Variants in A1CF observed in about 807,000 individuals in gnomAD.
A1CF encodes the protein APOBEC1 complementation factor.
Under a neutral mutation model 68.9 loss-of-function variants are expected in A1CF, and 48 were observed. That is an observed-to-expected ratio of 0.70 (90% CI 0.55 to 0.89). A1CF has a LOEUF of 0.89. Among genes scored for constraint, A1CF ranks in the 40% least tolerant of loss-of-function variants. The probability of loss-of-function intolerance (pLI) is 0.00; values close to 1 mark genes in which losing one functional copy is unlikely to be tolerated. For missense variants in A1CF, 653 were observed against 718.9 expected (o/e 0.91, Z 1.05); for synonymous variants, 272 against 260.4 (o/e 1.04, Z -0.43).
intron 5 of A1CF, 95 bp from the exon 6 acceptor site, chr10:50,836,407 G>T: frequency 7.3e-7 from 1 of 1,367,208 alleles, no homozygotes. Flanking sequence ...TGAAGATGTG[G>T]GATGTTTGGG....
At chr10:50,864,876 C>T (rs1004972625) in intron 1 of A1CF, among the ~76,000 whole-genome samples, 1 of 152,096 alleles carries the variant, frequency 6.6e-6, no homozygotes, top group Non-Finnish European at 1.5e-5. Context: ...CCTTGGCCTC[C>T]GAAAGTGCTG....
At chr10:50,811,624 ATC>A (rs1181260165) in intron 10 of A1CF, among the ~76,000 whole-genome samples, 1 of 152,222 alleles carries the variant, frequency 6.6e-6, no homozygotes, top group Admixed American at 6.5e-5. Context: ...TAGGGTTTTA[ATC>A]TCACAATTTC....
At chr10:50,859,752 A>C in intron 3 of A1CF, 90 bp downstream of exon 3, 1 of 1,105,304 alleles carries the variant, frequency 9.0e-7, no homozygotes, top group African/African-American at 1.6e-5. Context: ...TATGTAACTG[A>C]CCATTCCCAT....
At chr10:50,809,813 T>G (rs1181816733) in intron 12 of A1CF, 81 bp downstream of exon 12, 11 of 1,575,098 alleles carry the variant, frequency 7.0e-6, no homozygotes, top group Admixed American at 3.4e-5. Flanking sequence ...TACACAAACA[T>G]TTCTGTGATT....
At chr10:50,861,939 ATAC>A (rs1383105120) in intron 2 of A1CF, among the ~76,000 whole-genome samples, 1 of 150,158 alleles carries the variant, frequency 6.7e-6, no homozygotes, top group Admixed American at 6.7e-5. Context: ...ATGATTAGCA[ATAC>A]TAATCGTAAT....
rs569461834 is a variant in A1CF at position 50,813,978 on chromosome 10, C to T, written c.1202G>A (p.Arg401Gln). ...TTTGTCTCCTTTGACCTGGTATCCT[C>T]GACCCAGGCCTGTGTATGCCAAATA... ...RGYLAYTGLG[R>Q]GYQVKGDKRE... The change falls in exon 10 of 13, where the codon CGA (arginine) becomes CAA (glutamine). Residue 401 changes from arginine (R) to glutamine (Q), a missense_variant. By Grantham distance (43) the Arg-to-Gln change is conservative. Coordinates refer to ENST00000373997, the MANE Select transcript of A1CF (RefSeq NM_014576.4). 29 of 1,613,842 alleles carry T rather than the reference C, an allele frequency of 1.8e-5. No homozygotes were observed. Among genetic ancestry groups the T allele is most frequent in the Admixed American group, 8.3e-5 (5 of 59,988 alleles).
Position 50,841,850 on chromosome 10 carries a change from G to A in A1CF, c.365+12C>T. On this transcript the variant is annotated intron_variant, in intron 5 of 12. Coordinates refer to ENST00000373997, the MANE Select transcript of A1CF (RefSeq NM_014576.4). ...TTTGTTTCACTTTTAATCTAGAAGA[G>A]GCGGAGCTTACCTAATTTCATAATT... 6.2e-7 allele frequency: 1 copy of A among 1,611,990 alleles called. No individual in the cohort carries two copies. The highest frequency in any genetic ancestry group is 8.5e-7 in the Non-Finnish European group (1 of 1,179,444).
At chr10:50,865,846 A>G (rs1589038503) in intron 1 of A1CF, among the ~76,000 whole-genome samples, 1 of 152,152 alleles carries the variant, frequency 6.6e-6, no homozygotes, top group Non-Finnish European at 1.5e-5. Flanking sequence ...ACATCCTTGT[A>G]TTGTTTCGCA....
Position 50,856,976 on chromosome 10 carries a change from C to T in A1CF, c.99+2866G>A, listed in dbSNP as rs149945758. Among the ~76,000 whole-genome samples the T allele has an allele frequency of 2.0e-3, 304 of 152,156 alleles. 2 individuals carry two copies. Among genetic ancestry groups the T allele is most frequent in the African/African-American group, 6.9e-3 (286 of 41,532 alleles). Reference sequence around the variant, plus strand: ...CCTTAAATCATAACATTTGACCTTACAATGGAGCAAAATTTTTAAATGGAG... The same window carrying T: ...CCTTAAATCATAACATTTGACCTTATAATGGAGCAAAATTTTTAAATGGAG... On this transcript the variant is annotated intron_variant, in intron 3 of 12. Transcript: ENST00000373997.
chr10:50,865,411 T>C (rs1840941707), intron 1 of A1CF, among the ~76,000 whole-genome samples: 1 of 152,206 alleles, frequency 6.6e-6, no homozygotes, highest in Admixed American at 6.5e-5. Flanking sequence ...AATATGCCTT[T>C]AAAATACTTA....
intron 3 of A1CF, among the ~76,000 whole-genome samples, chr10:50,846,190 C>T (rs1275215628): frequency 6.6e-6 from 1 of 152,028 alleles, no homozygotes; most frequent in African/African-American, 2.4e-5. Context: ...TATACGAAAT[C>T]GTTAAAAGCA....
In A1CF at chr10:50,809,886, T is replaced by C. The variant is rs1289943649; in HGVS notation, c.1609+8A>G. 1 of 1,613,740 alleles carries C rather than the reference T, an allele frequency of 6.2e-7. No individual in the cohort carries two copies. ...CAGGGCGCCATTTCTGGCACAATTT[T>C]CCCATACCTGGGAAAGCAGTAGCAG... On this transcript the variant is annotated splice_region_variant and intron_variant, in intron 12 of 12. Coordinates refer to ENST00000373997, the MANE Select transcript of A1CF (RefSeq NM_014576.4).
Position 50,813,969 on chromosome 10 carries a change from T to C in A1CF, c.1211A>G (p.Gln404Arg), listed in dbSNP as rs984215949. 1.2e-6 allele frequency: 2 copies of C among 1,613,816 alleles called. No individual in the cohort carries two copies. Among genetic ancestry groups the C allele is most frequent in the African/African-American group, 1.3e-5 (1 of 74,930 alleles). ...GTCTTCTCTTTTGTCTCCTTTGACC[T>C]GGTATCCTCGACCCAGGCCTGTGTA... The part of the protein sequence containing the change: ...LAYTGLGRGY[Q>R]VKGDKREDKL... Residue 404 changes from glutamine to arginine, a missense_variant, in exon 10 of 13, where the codon CAG (glutamine) becomes CGG (arginine). Coordinates refer to ENST00000373997, the MANE Select transcript of A1CF (RefSeq NM_014576.4).
At chr10:50,885,094 C>CT (rs1156494265) in intron 1 of A1CF, among the ~76,000 whole-genome samples, 4 of 152,116 alleles carry the variant, frequency 2.6e-5, no homozygotes, top group African/African-American at 9.7e-5. Flanking sequence ...CCAAGACTTT[C>CT]TTTTTTATGG....
At chr10:50,836,593 G>A (rs1839506001) in intron 5 of A1CF, among the ~76,000 whole-genome samples, 1 of 151,882 alleles carries the variant, frequency 6.6e-6, no homozygotes, top group East Asian at 1.9e-4. Context: ...ACAACATGCA[G>A]GTTTGTTACA....
At position 50,841,938 on chromosome 10, in the gene A1CF, C is replaced by T; in HGVS notation, c.289G>A (p.Gly97Arg). 1 of 1,612,326 alleles carries T rather than the reference C, an allele frequency of 6.2e-7. No individual in the cohort carries two copies. Among genetic ancestry groups the T allele is most frequent in the Non-Finnish European group, 8.5e-7 (1 of 1,178,938 alleles). ...MMMDFNGNNR[G>R]YAFVTFSNKV... is the part of the protein sequence containing the mutation. ...TTTGAAAATGTTACAAATGCATATC[C>T]TCTATTGTTGCCATTAAAATCCATC... Residue 97 changes from glycine to arginine, a missense_variant, in exon 5 of 13, where the codon GGA (glycine) becomes AGA (arginine). Physicochemically the swap from Gly to Arg is moderately radical, Grantham distance 125 (BLOSUM62 -2). Transcript: ENST00000373997.
intron 3 of A1CF, among the ~76,000 whole-genome samples, chr10:50,856,262 A>G (rs1840472772): frequency 6.6e-6 from 1 of 152,166 alleles, no homozygotes; most frequent in Admixed American, 6.6e-5. Flanking sequence ...TAGGGACTAG[A>G]TTAGATTACA....
Position 50,869,312 on chromosome 10 carries a change from G to A in A1CF, c.-93-5232C>T, listed in dbSNP as rs116023586. On this transcript the variant is annotated intron_variant, in intron 1 of 12. Coordinates refer to ENST00000373997, the MANE Select transcript of A1CF (RefSeq NM_014576.4). ...CTAACATAGTACCTGGCATATAGAA[G>A]GTGCTGTAGAAATATTCTATTCTTA... 9.4e-3 allele frequency among the ~76,000 whole-genome samples: 1,430 copies of A among 152,070 alleles called. 30 individuals carry two copies. Among genetic ancestry groups the A allele is most frequent in the African/African-American group, 0.033 (1,356 of 41,480 alleles).
At position 50,799,746 on chromosome 10, in the gene A1CF, AAAG is replaced by A. The variant is rs1437326408; in HGVS notation, c.*6980_*6982del. On this transcript the variant is annotated 3_prime_UTR_variant, in exon 13 of 13. Transcript: ENST00000373997. Reference sequence around the variant, plus strand: ...TAAATAAAAATAATAACAAAAAAGAAAAGAAGAAAGAGATTGTTAAACATCTGG... The same window carrying A: ...TAAATAAAAATAATAACAAAAAAGAAAAGAAAGAGATTGTTAAACATCTGG... 2.0e-5 allele frequency: 3 copies of A among 152,316 alleles called. No individual in the cohort carries two copies. The highest frequency in any genetic ancestry group is 4.1e-4 in the South Asian group (2 of 4,832). 9.4% of individuals were successfully genotyped at this position (152,316 alleles called of 1,614,324 possible).
Sources: gnomAD v4.1 joint callset for allele counts (sites outside exome capture counted in the v4.1 genomes callset) on GRCh38, gnomAD v4.1.1 for gene constraint, MANE v1.5 for transcripts, NCBI Gene and HGNC (gene_info 2026-07-23, HGNC 2026-07-21) for gene names.